Variants in SLC15A5 observed in about 807,000 individuals in gnomAD.
SLC15A5 encodes Peptide/histidine transporter ENSP00000340402.
Under a neutral mutation model 56.1 loss-of-function variants are expected in SLC15A5, and 58 were observed. The ratio of observed to expected loss-of-function variants is 1.03; its 90% CI spans 0.84 to 1.29. SLC15A5 has a LOEUF of 1.29. Ranked by LOEUF, SLC15A5 falls within the 50% of genes most tolerant of loss-of-function variation. SLC15A5 has a pLI of 0.00. For synonymous variants in SLC15A5, 264 were observed against 250.5 expected (o/e 1.05, Z -0.51); for missense variants, 681 against 672.1 (o/e 1.01, Z -0.15).
At chr12:16,238,922 A>G (rs1309932122) in intron 5 of SLC15A5, among the ~76,000 whole-genome samples, 1 of 152,212 alleles carries the variant, frequency 6.6e-6, no homozygotes, top group Non-Finnish European at 1.5e-5. Flanking sequence ...AGTGATTTCA[A>G]AAGTTTTAGA....
chr12:16,242,479 A>T (rs1262868564), intron 4 of SLC15A5, among the ~76,000 whole-genome samples: 1 of 151,792 alleles, frequency 6.6e-6, no homozygotes, highest in African/African-American at 2.4e-5. Flanking sequence ...GACTGGGAAC[A>T]AGTTGCAACT....
intron 7 of SLC15A5, among the ~76,000 whole-genome samples, chr12:16,202,256 A>C (rs1314198191): frequency 6.6e-6 from 1 of 152,174 alleles, no homozygotes; most frequent in Non-Finnish European, 1.5e-5. Context: ...CAGTAAGAAA[A>C]AACCCAAATA....
At chr12:16,277,263 A>T in intron 1 of SLC15A5, 62 bp downstream of exon 1, 1 of 1,413,244 alleles carries the variant, frequency 7.1e-7, no homozygotes, top group African/African-American at 1.4e-5. Context: ...ATAAACTAAA[A>T]ATTCTAACAA....
chr12:16,229,137 G>A (rs979146645), intron 5 of SLC15A5, among the ~76,000 whole-genome samples: 20 of 152,198 alleles, frequency 1.3e-4, no homozygotes, highest in Non-Finnish European at 2.6e-4. Context: ...CCAGCAGCCA[G>A]ATTGAGCTTA....
Position 16,248,004 on chromosome 12 carries a change from G to A in SLC15A5, c.755-3204C>T, listed in dbSNP as rs142796739. ...TGAAGAGATATGAAGAGAATAGGAT[G>A]GTTTTTGAACAATCAGTAAAATTTT... On this transcript the variant is annotated intron_variant, in intron 3 of 8. Transcript: ENST00000344941. 4.7e-3 allele frequency among the ~76,000 whole-genome samples: 710 copies of A among 152,134 alleles called. 6 individuals carry two copies. Among genetic ancestry groups the A allele is most frequent in the African/African-American group, 0.016 (657 of 41,528 alleles).
intron 5 of SLC15A5, among the ~76,000 whole-genome samples, chr12:16,226,183 A>G (rs931512073): frequency 2.6e-5 from 4 of 152,174 alleles, no homozygotes; most frequent in Non-Finnish European, 4.4e-5. Context: ...CTATTCTTTA[A>G]ATCATTTCTA....
intron 7 of SLC15A5, among the ~76,000 whole-genome samples, chr12:16,195,053 C>A (rs1483482470): frequency 6.6e-6 from 1 of 151,920 alleles, no homozygotes; most frequent in East Asian, 1.9e-4. Flanking sequence ...TAAGTAAATT[C>A]TTCAATTTGA....
intron 7 of SLC15A5, among the ~76,000 whole-genome samples, chr12:16,200,147 GA>G (rs1863939367): frequency 6.6e-6 from 1 of 151,312 alleles, no homozygotes; most frequent in Admixed American, 6.6e-5. Context: ...TTGCTTACAG[GA>G]AACACCCTGA....
Position 16,237,451 on chromosome 12 carries a change from C to A in SLC15A5, c.1162+2230G>T, listed in dbSNP as rs1394772293. On this transcript the variant is annotated intron_variant, in intron 5 of 8. Transcript: ENST00000344941. This position sits in a 1 kb window ranked among gnomAD's most constrained non-coding sequence, Gnocchi z 4.1. ...TTCTTTTGAAGTGAGTCTAGTTTTT[C>A]CTTTTTCCTGTGCAATAGGTCTTGT... 6.6e-6 allele frequency among the ~76,000 whole-genome samples: 1 copy of A among 152,086 alleles called. No individual in the cohort carries two copies. Among genetic ancestry groups the A allele is most frequent in the Non-Finnish European group, 1.5e-5 (1 of 67,992 alleles).
intron 3 of SLC15A5, among the ~76,000 whole-genome samples, chr12:16,247,273 A>G (rs929955006): frequency 6.6e-6 from 1 of 152,200 alleles, no homozygotes; most frequent in Non-Finnish European, 1.5e-5. Flanking sequence ...AATGGTCAAG[A>G]AAGAAGAAAT....
chr12:16,233,983 G>A (rs535539070), intron 5 of SLC15A5, among the ~76,000 whole-genome samples: 10 of 152,146 alleles, frequency 6.6e-5, no homozygotes, highest in Non-Finnish European at 1.3e-4. Context: ...TATTGTCTTA[G>A]TTTGCTTGTG....
intron 7 of SLC15A5, among the ~76,000 whole-genome samples, chr12:16,206,673 G>C (rs1205583345): frequency 6.6e-6 from 1 of 152,084 alleles, no homozygotes; most frequent in African/African-American, 2.4e-5. Flanking sequence ...GCTGAGATTG[G>C]GCCTCAGATC....
chr12:16,263,376 C>G (rs969503590), intron 2 of SLC15A5, among the ~76,000 whole-genome samples: 1 of 152,118 alleles, frequency 6.6e-6, no homozygotes, highest in Non-Finnish European at 1.5e-5. Flanking sequence ...GAAAAAATTT[C>G]TAAGCAGCAA....
chr12:16,192,269 T>C (rs1592104591), intron 8 of SLC15A5, among the ~76,000 whole-genome samples: 2 of 152,084 alleles, frequency 1.3e-5, no homozygotes, highest in East Asian at 3.9e-4. Flanking sequence ...CTTTGTTTCT[T>C]CCTCTCTCTC....
intron 5 of SLC15A5, among the ~76,000 whole-genome samples, chr12:16,226,878 A>C (rs897421999): frequency 1.3e-5 from 2 of 152,200 alleles, no homozygotes; most frequent in Admixed American, 1.3e-4. Context: ...CTTTAGCTTG[A>C]TGGAATTTAT....
chr12:16,189,818 A>C lies in SLC15A5; in HGVS notation c.1593-3T>G. The C allele has an allele frequency of 6.8e-7, 1 of 1,476,794 alleles. No homozygotes were observed. The highest frequency in any genetic ancestry group is 2.5e-5 in the East Asian group (1 of 40,180). The allele number at this position is 1,476,794 out of a possible 1,614,324, so 91.5% of individuals were successfully genotyped here. On this transcript the variant is annotated splice_polypyrimidine_tract_variant and splice_region_variant and intron_variant, in intron 8 of 8. Transcript: ENST00000344941. ...TAAAATGATTTAGATTACAATATCT[A>C]AAAAAGAAAGAAAGAAAGCTTTTCT...
chr12:16,250,330 C>T (rs753761795), intron 3 of SLC15A5, among the ~76,000 whole-genome samples: 2 of 152,002 alleles, frequency 1.3e-5, no homozygotes, highest in African/African-American at 2.4e-5. Context: ...CAGAGTGCTA[C>T]AGGAGCAGAG....
Position 16,244,564 on chromosome 12 carries a change from C to A in SLC15A5, c.975+16G>T. ...ACTTTCCTGTTGTTGGGGTAGTACT[C>A]ATCGCCTGTCCTTACCTGCATAATG... On this transcript the variant is annotated intron_variant, in intron 4 of 8. Coordinates refer to ENST00000344941, the MANE Select transcript of SLC15A5 (RefSeq NM_001170798.1). 1 of 1,533,468 alleles carries A rather than the reference C, an allele frequency of 6.5e-7. No individual in the cohort carries two copies. Among genetic ancestry groups the A allele is most frequent in the Middle Eastern group, 1.9e-4 (1 of 5,370 alleles). The allele number at this position is 1,533,468 out of a possible 1,614,324, so 95.0% of individuals were successfully genotyped here. A position where few individuals can be genotyped will look rare whatever the true frequency, so the allele number is the denominator to read the frequency against.
At chr12:16,199,751 A>T (rs987703417) in intron 7 of SLC15A5, among the ~76,000 whole-genome samples, 5 of 152,160 alleles carry the variant, frequency 3.3e-5, no homozygotes, top group African/African-American at 9.6e-5. Flanking sequence ...AAAATTTTTT[A>T]AAATAATAAA....
Sources: allele counts gnomAD v4.1 joint callset (sites outside exome capture counted in the v4.1 genomes callset), GRCh38; gene constraint gnomAD v4.1.1; non-coding constraint Gnocchi (gnomAD v3.1); transcripts MANE v1.5; gene names NCBI Gene and HGNC (gene_info 2026-07-23, HGNC 2026-07-21).